Variants in TBC1D14 observed in about 807,000 individuals in gnomAD.
TBC1D14 encodes TBC1 domain family member 14, also known as TBC1 domain family, member 14.
A neutral mutation model predicts 79.0 loss-of-function variants in TBC1D14; 26 were observed. The ratio of observed to expected loss-of-function variants is 0.33; its 90% CI spans 0.24 to 0.46. The LOEUF is 0.46. Ranked by LOEUF, TBC1D14 falls within the 20% of genes least tolerant of loss-of-function variation. TBC1D14 has a pLI of 1.00. For missense variants in TBC1D14, 769 were observed against 887.6 expected (o/e 0.87, Z 1.70); for synonymous variants, 394 against 349.9 (o/e 1.13, Z -1.40).
At chr4:7,024,235 A>T (rs1164229922) in intron 12 of TBC1D14, among the ~76,000 whole-genome samples, 1 of 152,126 alleles carries the variant, frequency 6.6e-6, no homozygotes, top group Non-Finnish European at 1.5e-5. Flanking sequence ...CTCCTGACCG[A>T]GTCAGCCCCT....
chr4:6,988,899 T>TTC lies in TBC1D14; in HGVS notation c.844-5284_844-5283insCT, dbSNP rs1553865897. ...TTTCTTTCTTTCTTTTTTTTTTTTT[T>TTC]TTTTTTTTTGAGACAGGGTCTTGTC... On this transcript the variant is annotated intron_variant, in intron 3 of 13. Coordinates refer to ENST00000409757, the MANE Select transcript of TBC1D14 (RefSeq NM_020773.3). Among the ~76,000 whole-genome samples the TTC allele has an allele frequency of 5.5e-4, 78 of 141,152 alleles. 1 individual carries two copies. The East Asian group carries it at 0.013, about 23-fold the overall frequency. The allele number at this position is 141,152 out of a possible 152,430, so 92.6% of individuals were successfully genotyped here.
chr4:6,952,292 T>C (rs1714111127), intron 2 of TBC1D14, among the ~76,000 whole-genome samples: 1 of 152,230 alleles, frequency 6.6e-6, no homozygotes, highest in African/African-American at 2.4e-5. Flanking sequence ...TCAAGAAATT[T>C]GTGTTTCTAG....
Position 6,996,717 on chromosome 4 carries a change from G to T in TBC1D14, c.1045+310G>T, listed in dbSNP as rs546661383. ...CTCTTCCATCCCAGAAGCCCCCAGG[G>T]CTGTCCCGGGCGGGCTGTAAAGCCC... On this transcript the variant is annotated intron_variant, in intron 5 of 13. Transcript: ENST00000409757. Among the ~76,000 whole-genome samples, 13 of 152,290 alleles carry T rather than the reference G, an allele frequency of 8.5e-5. No homozygotes were observed. The East Asian group carries it at 2.5e-3, about 29-fold the overall frequency.
At chr4:7,024,775 C>T (rs995054770) in intron 12 of TBC1D14, among the ~76,000 whole-genome samples, 3 of 152,204 alleles carry the variant, frequency 2.0e-5, no homozygotes, top group Non-Finnish European at 2.9e-5. Flanking sequence ...TCGTTGCTGT[C>T]AGTCATTCGG....
intron 11 of TBC1D14, among the ~76,000 whole-genome samples, chr4:7,012,725 T>G (rs1424234044): frequency 6.6e-6 from 1 of 152,222 alleles, no homozygotes; most frequent in Non-Finnish European, 1.5e-5. Context: ...TACTAGTGTT[T>G]ATAGTTTTTT....
At chr4:6,995,171 G>A (rs1037727870) in intron 4 of TBC1D14, among the ~76,000 whole-genome samples, 6 of 152,200 alleles carry the variant, frequency 3.9e-5, no homozygotes, top group East Asian at 1.9e-4. Flanking sequence ...AAGAGAGCAC[G>A]AATTGTATTT....
At chr4:6,979,070 T>C (rs961658306) in intron 3 of TBC1D14, among the ~76,000 whole-genome samples, 4 of 152,140 alleles carry the variant, frequency 2.6e-5, no homozygotes, top group African/African-American at 9.7e-5. Context: ...AAAGTTAATA[T>C]GTATATTGTA....
At chr4:7,010,033 C>A in intron 10 of TBC1D14, 85 bp downstream of exon 10, 1 of 1,464,530 alleles carries the variant, frequency 6.8e-7, no homozygotes, top group South Asian at 1.1e-5. Flanking sequence ...CTGCAAATGT[C>A]ATGCCAGTGC....
chr4:6,935,500 A>T (rs1378267901), intron 2 of TBC1D14, among the ~76,000 whole-genome samples: 1 of 151,954 alleles, frequency 6.6e-6, no homozygotes, highest in African/African-American at 2.4e-5. Flanking sequence ...TTGCTCTTGC[A>T]GGCACTCTCG....
At chr4:6,939,311 G>C (rs2108969399) in intron 2 of TBC1D14, among the ~76,000 whole-genome samples, 1 of 152,178 alleles carries the variant, frequency 6.6e-6, no homozygotes, top group Non-Finnish European at 1.5e-5. Flanking sequence ...TAAATGAGAA[G>C]AATCCACAGG....
At chr4:7,026,302 A>G (rs1192015033) in intron 13 of TBC1D14, among the ~76,000 whole-genome samples, 1 of 152,080 alleles carries the variant, frequency 6.6e-6, no homozygotes, top group Non-Finnish European at 1.5e-5. Flanking sequence ...CCTTCCCACC[A>G]TATTGAAGCG....
At chr4:7,023,820 G>T (rs1385330526) in intron 12 of TBC1D14, among the ~76,000 whole-genome samples, 4 of 152,224 alleles carry the variant, frequency 2.6e-5, no homozygotes, top group Non-Finnish European at 5.9e-5. Flanking sequence ...TTCCGGAGGG[G>T]CTCGCATAGC....
chr4:6,992,693 AT>A (rs1328766996), intron 3 of TBC1D14, among the ~76,000 whole-genome samples: 1 of 152,192 alleles, frequency 6.6e-6, no homozygotes, highest in Admixed American at 6.5e-5. Flanking sequence ...CTTTTGTTTG[AT>A]TTCCTATGAA....
At chr4:7,025,301 C>T (rs780397406) in intron 13 of TBC1D14, 39 bp downstream of exon 13, 10 of 1,610,926 alleles carry the variant, frequency 6.2e-6, no homozygotes, top group Middle Eastern at 1.7e-4. Flanking sequence ...CACAGCGTAG[C>T]CGGCAAGTGG....
rs1720277936 is a variant in TBC1D14 at position 7,007,105 on chromosome 4, T to C, written c.1446+379T>C. Among the ~76,000 whole-genome samples, 3 of 152,178 alleles carry C rather than the reference T, an allele frequency of 2.0e-5. No individual in the cohort carries two copies. The South Asian group carries it at 6.2e-4, about 32-fold the overall frequency. On this transcript the variant is annotated intron_variant, in intron 9 of 13. Transcript: ENST00000409757. ...TGCGCTCAGCAAGGCCATGTTGGTG[T>C]GATGGGCTTCGGCTCAGATGAGCCC...
intron 2 of TBC1D14, among the ~76,000 whole-genome samples, chr4:6,950,143 T>C (rs1713896328): frequency 6.6e-6 from 1 of 152,200 alleles, no homozygotes; most frequent in South Asian, 2.1e-4. Flanking sequence ...CTCCCCCTTA[T>C]GAGTGAGAAC....
intron 13 of TBC1D14, among the ~76,000 whole-genome samples, chr4:7,027,859 G>C (rs371846247): frequency 3.4e-5 from 4 of 116,728 alleles, no homozygotes; most frequent in African/African-American, 1.4e-4. Flanking sequence ...CACACACACA[G>C]ATCACCCCCA....
At chr4:6,988,132 A>G (rs1167097106) in intron 3 of TBC1D14, among the ~76,000 whole-genome samples, 1 of 152,198 alleles carries the variant, frequency 6.6e-6, no homozygotes, top group Non-Finnish European at 1.5e-5. Flanking sequence ...TCAAAATGGC[A>G]AAACAGCCCC....
chr4:6,948,322 T>C (rs956371136), intron 2 of TBC1D14, among the ~76,000 whole-genome samples: 103 of 152,294 alleles, frequency 6.8e-4, no homozygotes, highest in African/African-American at 2.4e-3. Context: ...AGCTCTGCCT[T>C]CTTTAGGTAA....
Sources: allele counts gnomAD v4.1 joint callset (sites outside exome capture counted in the v4.1 genomes callset), GRCh38; gene constraint gnomAD v4.1.1; transcripts MANE v1.5; gene names NCBI Gene and HGNC (gene_info 2026-07-23, HGNC 2026-07-21).